H2BC18: variants seen among roughly 807,000 people sequenced by gnomAD.
The protein encoded by H2BC18 is histone H2B type 2-F.
A neutral mutation model predicts 6.3 loss-of-function variants in H2BC18; 8 were observed. That is an observed-to-expected ratio of 1.28 (90% CI 0.75 to 2.31). The LOEUF (loss-of-function observed/expected upper bound fraction) is 2.31. Ranked by LOEUF, H2BC18 falls within the 30% of genes most tolerant of loss-of-function variation. H2BC18 has a pLI of 0.00. For synonymous variants in H2BC18, 104 were observed against 78.1 expected, an observed-to-expected ratio of 1.33 and a Z score of -1.75; for missense variants, 106 against 174.5, an observed-to-expected ratio of 0.61 and a Z score of 2.21.
intron 1 of H2BC18, chr1:149,790,044 T>G (rs1226461928): frequency 1.2e-6 from 2 of 1,612,960 alleles, no homozygotes; most frequent in Non-Finnish European, 1.7e-6. Flanking sequence ...CCCATCAACT[T>G]TCTCCTTAGA....
downstream of H2BC18, chr1:149,811,324 G>C (rs1553754414): frequency 6.3e-6 from 1 of 159,182 alleles, no homozygotes; most frequent in Non-Finnish European, 1.4e-5. Flanking sequence ...TACTCCACAG[G>C]GGGTGGGGTG....
chr1:149,809,037 T>C (rs1174774448), downstream of H2BC18, among the ~76,000 whole-genome samples: 1 of 140,940 alleles, frequency 7.1e-6, no homozygotes, highest in African/African-American at 2.7e-5. Flanking sequence ...TTTGTAGGTT[T>C]CTACACATAC....
At chr1:149,782,761 T>A in exon 2 of H2BC18, 2 of 1,596,972 alleles carry the variant, frequency 1.3e-6, no homozygotes, top group Non-Finnish European at 1.7e-6. Context: ...TCTTGACAAC[T>A]CTGCTCCTTT....
chr1:149,795,261 AATAAAT>A (rs2091787067), intron 1 of H2BC18, among the ~76,000 whole-genome samples: 1 of 123,338 alleles, frequency 8.1e-6, no homozygotes, highest in Non-Finnish European at 1.7e-5. Flanking sequence ...AAAATAAATA[AATAAAT>A]AAATAAATAA....
downstream of H2BC18, chr1:149,810,265 G>C (rs1348630950): frequency 3.3e-5 from 5 of 151,850 alleles, no homozygotes; most frequent in African/African-American, 1.2e-4. Context: ...TCCTACCAGA[G>C]AATGTGCTAT....
At chr1:149,792,642 C>T in intron 1 of H2BC18, 1 of 1,271,666 alleles carries the variant, frequency 7.9e-7, no homozygotes, top group Non-Finnish European at 1.0e-6. Context: ...CATATTGCAG[C>T]CTCCGCCTGT....
intron 1 of H2BC18, chr1:149,793,044 C>T: frequency 2.4e-6 from 3 of 1,261,562 alleles, no homozygotes; most frequent in Non-Finnish European, 2.0e-6. Flanking sequence ...GCTCCCGGGC[C>T]CCGGCGCGGC....
intron 1 of H2BC18, chr1:149,790,385 C>T (rs1258585726): frequency 3.2e-6 from 5 of 1,556,716 alleles, no homozygotes; most frequent in South Asian, 1.2e-5. Context: ...AAGGGACTCC[C>T]TTATCTCCCA....
At position 149,811,929 on chromosome 1, in the gene H2BC18, T is replaced by C. The variant is rs1289479766; in HGVS notation, c.*14A>G. Reference sequence around the variant, plus strand: ...GGGGTTAGGTGGTTGATCTATTGCGTCCCTTGCACACTCTTACTTCGAGCT... The same window carrying C: ...GGGGTTAGGTGGTTGATCTATTGCGCCCCTTGCACACTCTTACTTCGAGCT... On this transcript the variant is annotated 3_prime_UTR_variant, in exon 1 of 1. Coordinates refer to ENST00000369167, the MANE Select transcript of H2BC18 (RefSeq NM_001024599.5). 1.2e-6 allele frequency: 2 copies of C among 1,605,538 alleles called. No homozygotes were observed. Among genetic ancestry groups the C allele is most frequent in the Non-Finnish European group, 1.7e-6 (2 of 1,173,120 alleles).
At chr1:149,809,615 C>T (rs1440943033), downstream of H2BC18, among the ~76,000 whole-genome samples, 2 of 143,932 alleles carry the variant, frequency 1.4e-5, no homozygotes, top group Non-Finnish European at 3.0e-5. Context: ...GAATAAATAC[C>T]GAGAAGCATA....
At chr1:149,792,678 C>T (rs2091740002) in intron 1 of H2BC18, 4 of 1,280,104 alleles carry the variant, frequency 3.1e-6, no homozygotes, top group Non-Finnish European at 4.1e-6. Flanking sequence ...CCGCCAGCGC[C>T]CGGGGACCCA....
chr1:149,792,978 C>T (rs1553752283), intron 1 of H2BC18: 1 of 1,276,926 alleles, frequency 7.8e-7, no homozygotes, highest in South Asian at 1.3e-5. Context: ...CTGCGAGGGC[C>T]CGCGGCCTCC....
At chr1:149,810,521 C>A (rs1172685305), downstream of H2BC18, 1 of 151,872 alleles carries the variant, frequency 6.6e-6, no homozygotes, top group Admixed American at 6.6e-5. Context: ...TCAAGAATGG[C>A]TTAATTTCAA....
At chr1:149,789,649 C>T (rs1328156007) in intron 1 of H2BC18, among the ~76,000 whole-genome samples, 1 of 152,160 alleles carries the variant, frequency 6.6e-6, no homozygotes, top group African/African-American at 2.4e-5. Context: ...TGAGCTCCTC[C>T]TCCTGTCCAA....
At chr1:149,809,321 A>C (rs1162392516), downstream of H2BC18, among the ~76,000 whole-genome samples, 27 of 142,544 alleles carry the variant, frequency 1.9e-4, 1 homozygote, top group South Asian at 5.7e-3. Flanking sequence ...ACATCGGCTC[A>C]AGGGAAGATG....
downstream of H2BC18, among the ~76,000 whole-genome samples, chr1:149,807,821 AAG>A (rs587706663): frequency 7.3e-4 from 97 of 133,160 alleles, no homozygotes; most frequent in South Asian, 1.5e-3. Flanking sequence ...AGAAGAAAGA[AAG>A]AGAGAGAGAG....
intron 1 of H2BC18, among the ~76,000 whole-genome samples, chr1:149,799,331 A>G (rs1553753063): frequency 6.6e-6 from 1 of 152,064 alleles, no homozygotes; most frequent in Admixed American, 6.6e-5. Context: ...CTTCATAAGC[A>G]TTTTCCCTGA....
chr1:149,788,557 C>A, intron 1 of H2BC18: 2 of 1,613,946 alleles, frequency 1.2e-6, no homozygotes, highest in Non-Finnish European at 1.7e-6. Context: ...TGGCACCTAC[C>A]ATTGCTCAGG....
Position 149,811,917 on chromosome 1 carries a change from T to C in H2BC18, c.*26A>G. ...AAAAGAGCCTTTGGGGTTAGGTGGTTGATCTATTGCGTCCCTTGCACACTC... is the reference window on the plus strand; with the variant it reads ...AAAAGAGCCTTTGGGGTTAGGTGGTCGATCTATTGCGTCCCTTGCACACTC... On this transcript the variant is annotated 3_prime_UTR_variant, in exon 1 of 1. Transcript: ENST00000369167. The C allele has an allele frequency of 3.1e-6, 5 of 1,588,750 alleles. No homozygotes were observed. The South Asian group carries it at 5.5e-5, about 18-fold the overall frequency.
Sources: allele counts gnomAD v4.1 joint callset (sites outside exome capture counted in the v4.1 genomes callset), GRCh38; gene constraint gnomAD v4.1.1; transcripts MANE v1.5; gene names NCBI Gene and HGNC (gene_info 2026-07-23, HGNC 2026-07-21).